The following DIAPH2 variants were observed in gnomAD, a reference collection of about 807,000 sequenced individuals.
DIAPH2 encodes the protein diaphanous related formin 2.
A neutral mutation model predicts 92.7 loss-of-function variants in DIAPH2; 35 were observed. The ratio of observed to expected loss-of-function variants is 0.38; its 90% CI spans 0.29 to 0.50. DIAPH2 has a LOEUF of 0.50. Among genes scored for constraint, DIAPH2 ranks in the 20% least tolerant of loss-of-function variants. The pLI, the probability that DIAPH2 is intolerant of heterozygous loss-of-function variation, is 0.94. For synonymous variants in DIAPH2, 301 were observed against 280.4 expected, an observed-to-expected ratio of 1.07 and a Z score of -0.73; for missense variants, 701 against 819.5, an observed-to-expected ratio of 0.86 and a Z score of 1.77.
chrX:97,071,226 C>A (rs2147910761), intron 17 of DIAPH2, among the ~76,000 whole-genome samples: 1 of 111,537 alleles, frequency 9.0e-6, no homozygotes, highest in East Asian at 2.8e-4. Flanking sequence ...ACTGGCTTGA[C>A]AATTAGAATA....
intron 21 of DIAPH2, among the ~76,000 whole-genome samples, chrX:97,133,768 G>A (rs2067153408): frequency 8.9e-6 from 1 of 112,154 alleles, no homozygotes; most frequent in African/African-American, 3.2e-5. Context: ...ATCAGCATAT[G>A]CCAGGGCCAT....
intron 17 of DIAPH2, among the ~76,000 whole-genome samples, chrX:96,996,939 A>G (rs866484016): frequency 8.9e-6 from 1 of 111,823 alleles, no homozygotes; most frequent in Admixed American, 9.5e-5. Context: ...ATATATTCTT[A>G]TTTTCTTATT....
At chrX:96,781,653 G>A (rs1268682539) in intron 4 of DIAPH2, among the ~76,000 whole-genome samples, 2 of 110,203 alleles carry the variant, frequency 1.8e-5, no homozygotes, top group Non-Finnish European at 3.8e-5. Context: ...TCCTTGGATC[G>A]ACATTCATAC....
chrX:97,447,741 G>A (rs1051648887), intron 26 of DIAPH2, among the ~76,000 whole-genome samples: 1 of 111,262 alleles, frequency 9.0e-6, no homozygotes, highest in Non-Finnish European at 1.9e-5. Flanking sequence ...CATTTTTTAC[G>A]GTAGTTTGGG....
chrX:96,870,469 G>T (rs2065134058), intron 4 of DIAPH2, among the ~76,000 whole-genome samples: 1 of 104,572 alleles, frequency 9.6e-6, no homozygotes, highest in Admixed American at 1.0e-4. Context: ...GTAGAGATGG[G>T]GTTTCACCAT....
rs547213761 is a variant in DIAPH2 at position 97,495,853 on chromosome X, A to G, written c.3241+66108A>G. Among the ~76,000 whole-genome samples, 5 of 112,072 alleles carry G rather than the reference A, an allele frequency of 4.5e-5. No individual in the cohort carries two copies. The South Asian group carries it at 1.1e-3, about 25-fold the overall frequency. ...CATTTTAACCATTCCCCTACATGGT[A>G]ATATCTATAGTGAATGACCATTTCT... is the stretch of plus-strand genomic sequence containing the variant. On this transcript the variant is annotated intron_variant, in intron 26 of 26. Coordinates refer to ENST00000324765, the MANE Select transcript of DIAPH2 (RefSeq NM_006729.5).
intron 22 of DIAPH2, among the ~76,000 whole-genome samples, chrX:97,191,521 C>G (rs1346537619): frequency 9.0e-6 from 1 of 110,787 alleles, no homozygotes; most frequent in Non-Finnish European, 1.9e-5. Context: ...AGAGTAGTCT[C>G]ACTCTTCTCT....
intron 4 of DIAPH2, among the ~76,000 whole-genome samples, chrX:96,800,257 A>ATT (rs35181829): frequency 0.012 from 1,347 of 108,383 alleles, 20 homozygotes; most frequent in African/African-American, 0.041. Flanking sequence ...CACAAGATAC[A>ATT]TTTTTTTTTC....
intron 22 of DIAPH2, among the ~76,000 whole-genome samples, chrX:97,176,817 G>A (rs780759148): frequency 8.1e-4 from 91 of 111,696 alleles, no homozygotes; most frequent in African/African-American, 2.8e-3. Flanking sequence ...GTGAGCCACC[G>A]CGCCTGGCCG....
intron 26 of DIAPH2, among the ~76,000 whole-genome samples, chrX:97,572,522 G>A (rs1173571303): frequency 1.8e-5 from 2 of 110,980 alleles, no homozygotes; most frequent in Admixed American, 1.9e-4. Flanking sequence ...ATGCCACTTC[G>A]GCCACAGTTA....
chrX:96,839,481 T>G (rs943649716), intron 4 of DIAPH2, among the ~76,000 whole-genome samples: 2 of 111,717 alleles, frequency 1.8e-5, no homozygotes, highest in Non-Finnish European at 3.8e-5. Flanking sequence ...ATGGCTTAAT[T>G]ACTTGTTAGA....
intron 23 of DIAPH2, among the ~76,000 whole-genome samples, chrX:97,278,984 A>C (rs939828683): frequency 8.9e-6 from 1 of 112,421 alleles, no homozygotes; most frequent in Non-Finnish European, 1.9e-5. Flanking sequence ...TTCATCTTGC[A>C]AACAAAGGGA....
At chrX:97,205,445 C>CT (rs769722911) in intron 22 of DIAPH2, among the ~76,000 whole-genome samples, 30 of 110,768 alleles carry the variant, frequency 2.7e-4, no homozygotes, top group African/African-American at 9.5e-4. Context: ...GTCTAATATC[C>CT]AGAATCTACA....
rs926664926 is a variant in DIAPH2 at position 97,209,955 on chromosome X, C to T, written c.2720-37760C>T. ...TCTTTATTATTCTGTATACCTTTTG[C>T]ACATCTGAAACATAGTATTATAAAA... On this transcript the variant is annotated intron_variant, in intron 22 of 26. Coordinates refer to ENST00000324765, the MANE Select transcript of DIAPH2 (RefSeq NM_006729.5). Among the ~76,000 whole-genome samples, 9 of 110,858 alleles carry T rather than the reference C, an allele frequency of 8.1e-5. 1 individual carries two copies. Among genetic ancestry groups the T allele is most frequent in the Admixed American group, 5.8e-4 (6 of 10,343 alleles).
In DIAPH2 at chrX:97,274,006, GGTGTGTGTGTGTGT is replaced by G. The variant is rs55778849; in HGVS notation, c.2844+26202_2844+26215del. ...AACTTTAACAGCAAATAAAACTAGC[GGTGTGTGTGTGTGT>G]GTGTGTGTGTGTGTGTGTGTGTGTG... On this transcript the variant is annotated intron_variant, in intron 23 of 26. Transcript: ENST00000324765. 7.5e-3 allele frequency among the ~76,000 whole-genome samples: 651 copies of G among 86,723 alleles called. 5 individuals carry two copies. Among genetic ancestry groups the G allele is most frequent in the African/African-American group, 0.025 (582 of 23,292 alleles). The allele number at this position is 86,723 out of a possible 115,157, so 75.3% of individuals were successfully genotyped here. A position where few individuals can be genotyped will look rare whatever the true frequency, so the allele number is the denominator to read the frequency against.
chrX:96,982,675 A>G (rs772611708), intron 17 of DIAPH2, among the ~76,000 whole-genome samples: 1 of 111,980 alleles, frequency 8.9e-6, no homozygotes, highest in Non-Finnish European at 1.9e-5. Flanking sequence ...TCACATCCCT[A>G]TTAATTATTG....
chrX:96,811,674 T>C (rs1205242253), intron 4 of DIAPH2, among the ~76,000 whole-genome samples: 1 of 111,752 alleles, frequency 8.9e-6, no homozygotes. Context: ...AAATAGCTCT[T>C]ATGATTTTGA....
intron 26 of DIAPH2, among the ~76,000 whole-genome samples, chrX:97,515,637 T>C (rs184965689): frequency 9.2e-6 from 1 of 109,027 alleles, no homozygotes; most frequent in African/African-American, 3.3e-5. Context: ...TAATAAAGTG[T>C]GGGGGACTTA....
chrX:96,884,765 A>G (rs773964117), intron 5 of DIAPH2: 1 of 1,210,427 alleles, frequency 8.3e-7, no homozygotes, highest in East Asian at 3.0e-5. Flanking sequence ...GAGGACATGA[A>G]CGAGTTCACC....
Sources: gnomAD v4.1 joint callset for allele counts (sites outside exome capture counted in the v4.1 genomes callset) on GRCh38, gnomAD v4.1.1 for gene constraint, MANE v1.5 for transcripts, NCBI Gene and HGNC (gene_info 2026-07-23, HGNC 2026-07-21) for gene names.